NAALADL2: variants seen among roughly 807,000 people sequenced by gnomAD.
The protein encoded by NAALADL2 is inactive N-acetylated-alpha-linked acidic dipeptidase-like protein 2.
Under a neutral mutation model 87.2 loss-of-function variants are expected in NAALADL2, and 76 were observed. The ratio of observed to expected loss-of-function variants is 0.87; its 90% CI spans 0.72 to 1.05. NAALADL2 has a LOEUF of 1.05. Among genes scored for constraint, NAALADL2 ranks in the 50% least tolerant of loss-of-function variants. The pLI, the probability that NAALADL2 is intolerant of heterozygous loss-of-function variation, is 0.00. For missense variants in NAALADL2, 1,089 were observed against 945.8 expected, an observed-to-expected ratio of 1.15 and a Z score of -1.99; for synonymous variants, 354 against 331.0, an observed-to-expected ratio of 1.07 and a Z score of -0.75.
chr3:175,549,154 T>TAC (rs1197303149), intron 9 of NAALADL2, among the ~76,000 whole-genome samples: 1 of 25,186 alleles, frequency 4.0e-5, no homozygotes, highest in Non-Finnish European at 1.2e-4. Flanking sequence ...TATTTTCCCT[T>TAC]GCATTGTTTT....
chr3:174,884,190 C>T (rs114112309), intron 1 of NAALADL2, among the ~76,000 whole-genome samples: 1 of 152,092 alleles, frequency 6.6e-6, no homozygotes. Flanking sequence ...TAGTGGATCA[C>T]TAGGGGTAAT....
At chr3:175,116,572 C>G (rs1292488516) in intron 2 of NAALADL2, among the ~76,000 whole-genome samples, 1 of 151,706 alleles carries the variant, frequency 6.6e-6, no homozygotes, top group South Asian at 2.1e-4. Flanking sequence ...CACTGCTCAA[C>G]AAAATAAAAG....
At chr3:175,079,694 T>C (rs2109225073) in intron 1 of NAALADL2, among the ~76,000 whole-genome samples, 1 of 152,324 alleles carries the variant, frequency 6.6e-6, no homozygotes, top group East Asian at 1.9e-4. Flanking sequence ...TGACTATTTA[T>C]GTGCATATCT....
At chr3:175,091,405 T>G (rs1720096535) in intron 1 of NAALADL2, among the ~76,000 whole-genome samples, 1 of 152,064 alleles carries the variant, frequency 6.6e-6, no homozygotes, top group African/African-American at 2.4e-5. Flanking sequence ...CATTTTACAA[T>G]AAAGATTTAA....
At chr3:175,055,080 T>C (rs548250778) in intron 1 of NAALADL2, among the ~76,000 whole-genome samples, 39 of 152,340 alleles carry the variant, frequency 2.6e-4, no homozygotes, top group African/African-American at 8.9e-4. Context: ...CTCCTGTATC[T>C]ACCAAACCCT....
At chr3:175,608,844 C>G (rs1724163147) in intron 10 of NAALADL2, among the ~76,000 whole-genome samples, 1 of 152,094 alleles carries the variant, frequency 6.6e-6, no homozygotes, top group Non-Finnish European at 1.5e-5. Flanking sequence ...CGTTTTGCCA[C>G]TATGCATAGC....
chr3:174,543,412 T>G (rs1722433638), intron 1 of NAALADL2, among the ~76,000 whole-genome samples: 1 of 152,196 alleles, frequency 6.6e-6, no homozygotes, highest in Admixed American at 6.5e-5. Context: ...TTACAACAAT[T>G]AACTCATTCC....
At chr3:175,306,402 A>C (rs1757727279) in intron 4 of NAALADL2, among the ~76,000 whole-genome samples, 1 of 152,202 alleles carries the variant, frequency 6.6e-6, no homozygotes, top group Non-Finnish European at 1.5e-5. Flanking sequence ...AGGGTGACTT[A>C]TGAATTCCTT....
intron 2 of NAALADL2, among the ~76,000 whole-genome samples, chr3:174,670,721 T>G (rs1726450402): frequency 6.6e-6 from 1 of 152,142 alleles, no homozygotes; most frequent in South Asian, 2.1e-4. Context: ...TAATTCAACA[T>G]AATATATTCT....
chr3:174,540,479 A>G (rs976838953), intron 1 of NAALADL2, among the ~76,000 whole-genome samples: 1 of 152,186 alleles, frequency 6.6e-6, no homozygotes, highest in Non-Finnish European at 1.5e-5. Context: ...TTTCTCTTTA[A>G]GTTACTAAAG....
chr3:174,987,812 T>TTATATATATATATATATAATTA (rs1246166898), intron 1 of NAALADL2, among the ~76,000 whole-genome samples: 1 of 120,084 alleles, frequency 8.3e-6, no homozygotes, highest in African/African-American at 4.6e-5. Flanking sequence ...ATATATATAA[T>TTATATATATATATATATAATTA]TATATATATA....
At chr3:175,168,974 G>A (rs753753393) in intron 2 of NAALADL2, among the ~76,000 whole-genome samples, 2 of 151,590 alleles carry the variant, frequency 1.3e-5, no homozygotes, top group Non-Finnish European at 3.0e-5. Flanking sequence ...GAGCAAAACA[G>A]GATAGCTGTA....
intron 5 of NAALADL2, among the ~76,000 whole-genome samples, chr3:175,385,550 G>T (rs1343560661): frequency 2.0e-5 from 3 of 151,958 alleles, no homozygotes; most frequent in Non-Finnish European, 2.9e-5. Context: ...AAGAAGACTT[G>T]GTGTTCAATA....
intron 1 of NAALADL2, among the ~76,000 whole-genome samples, chr3:174,925,185 A>G (rs1735817577): frequency 6.6e-6 from 1 of 152,136 alleles, no homozygotes. Context: ...GTTTTCTTCT[A>G]GGGTTTTTAT....
chr3:175,546,386 T>G (rs1713331645), intron 9 of NAALADL2, among the ~76,000 whole-genome samples: 1 of 152,168 alleles, frequency 6.6e-6, no homozygotes, highest in South Asian at 2.1e-4. Flanking sequence ...GTAGCGCATT[T>G]ACATTTAAGA....
At chr3:174,796,698 T>C (rs964151258) in intron 3 of NAALADL2, among the ~76,000 whole-genome samples, 1 of 47,340 alleles carries the variant, frequency 2.1e-5, no homozygotes. Flanking sequence ...CATGTCTCTT[T>C]TTGATGGAAT....
intron 4 of NAALADL2, among the ~76,000 whole-genome samples, chr3:175,280,717 A>C (rs1581241879): frequency 6.6e-6 from 1 of 151,896 alleles, no homozygotes; most frequent in African/African-American, 2.4e-5. Context: ...CCACATGAAC[A>C]AACAGTGTAT....
At position 175,225,913 on chromosome 3, in the gene NAALADL2, A is replaced by G. The variant is rs1003775305; in HGVS notation, c.546-8018A>G. Among the ~76,000 whole-genome samples the G allele has an allele frequency of 4.6e-5, 7 of 152,162 alleles. No homozygotes were observed. In the East Asian group the frequency reaches 5.8e-4, roughly 13 times the overall value. The stretch of plus-strand genomic sequence containing the variant: ...AAATGTGTGCAAGAGTGAAAGATGT[A>G]GAGTTATAATACTGGATTTTTTTTC... On this transcript the variant is annotated intron_variant, in intron 2 of 13. Coordinates refer to ENST00000454872, the MANE Select transcript of NAALADL2 (RefSeq NM_207015.3).
At chr3:175,661,135 C>T (rs1200775519) in intron 11 of NAALADL2, among the ~76,000 whole-genome samples, 1 of 151,976 alleles carries the variant, frequency 6.6e-6, no homozygotes, top group Non-Finnish European at 1.5e-5. Flanking sequence ...GTTCCCCTTT[C>T]TCCACATCCT....
Sources: allele counts gnomAD v4.1 joint callset (sites outside exome capture counted in the v4.1 genomes callset), GRCh38; gene constraint gnomAD v4.1.1; transcripts MANE v1.5; gene names NCBI Gene and HGNC (gene_info 2026-07-23, HGNC 2026-07-21).